RBFOX1: variants seen among roughly 807,000 people sequenced by gnomAD.
RBFOX1 encodes RNA binding protein fox-1 homolog 1.
Under a neutral mutation model 57.7 loss-of-function variants are expected in RBFOX1, and 8 were observed. The observed-to-expected ratio is 0.14, with a 90% CI of 0.08 to 0.25. The LOEUF is 0.25. Ranked by LOEUF, RBFOX1 falls within the 10% of genes least tolerant of loss-of-function variation. The pLI, the probability that RBFOX1 is intolerant of heterozygous loss-of-function variation, is 1.00. For synonymous variants in RBFOX1, 326 were observed against 222.4 expected (o/e 1.47, Z -4.15); for missense variants, 611 against 548.5 (o/e 1.11, Z -1.14).
chr16:7,109,150 G>A (rs142941755), intron 4 of RBFOX1, among the ~76,000 whole-genome samples: 1 of 152,224 alleles, frequency 6.6e-6, no homozygotes, highest in African/African-American at 2.4e-5. Flanking sequence ...TGAATGTACT[G>A]GATTTTCAGT....
chr16:7,319,335 T>C (rs796682232), intron 4 of RBFOX1, among the ~76,000 whole-genome samples: 12 of 152,332 alleles, frequency 7.9e-5, no homozygotes, highest in African/African-American at 2.9e-4. Flanking sequence ...AGTCCAGACC[T>C]ATGATAGGTG....
chr16:6,966,283 C>G (rs1278732216), intron 3 of RBFOX1, among the ~76,000 whole-genome samples: 1 of 152,126 alleles, frequency 6.6e-6, no homozygotes, highest in Non-Finnish European at 1.5e-5. Flanking sequence ...TGACTGGGCA[C>G]TCCTGCAGGC....
chr16:6,468,379 G>T lies in RBFOX1; in HGVS notation c.-64+151322G>T, dbSNP rs528603426. On this transcript the variant is annotated intron_variant, in intron 2 of 15. Coordinates refer to ENST00000550418, the MANE Select transcript of RBFOX1 (RefSeq NM_018723.4). ...ACTGCTGGGCCATACTGCCTGTCAG[G>T]CCCAAATTAATATCTTTTATAAGCC... Among the ~76,000 whole-genome samples the T allele has an allele frequency of 3.3e-5, 5 of 152,258 alleles. No individual in the cohort carries two copies. The East Asian group carries it at 9.7e-4, about 29-fold the overall frequency.
chr16:6,934,712 T>G lies in RBFOX1; in HGVS notation c.-15-117345T>G, dbSNP rs577172145. ...AATATGATCTCGAGATTTTTTTCTTTAAAGGAAAAAGCTGTGAGGCCCTTT... is the reference window on the plus strand; with the variant it reads ...AATATGATCTCGAGATTTTTTTCTTGAAAGGAAAAAGCTGTGAGGCCCTTT... On this transcript the variant is annotated intron_variant, in intron 3 of 15. Coordinates refer to ENST00000550418, the MANE Select transcript of RBFOX1 (RefSeq NM_018723.4). Among the ~76,000 whole-genome samples, 286 of 152,160 alleles carry G rather than the reference T, an allele frequency of 1.9e-3. 1 individual carries two copies. Among genetic ancestry groups the G allele is most frequent in the African/African-American group, 6.5e-3 (268 of 41,484 alleles).
At chr16:5,603,531 C>G (rs777026330), downstream of RBFOX1, among the ~76,000 whole-genome samples, 1 of 152,148 alleles carries the variant, frequency 6.6e-6, no homozygotes, top group Non-Finnish European at 1.5e-5. Context: ...AAGTTAATTC[C>G]AGAGTCATCA....
chr16:5,765,150 C>G (rs113849546), intron 3 of RBFOX1, among the ~76,000 whole-genome samples: 2 of 152,312 alleles, frequency 1.3e-5, no homozygotes, highest in African/African-American at 2.4e-5. Flanking sequence ...AGCTGGGAGA[C>G]TCTTTCCAGC....
At chr16:6,797,266 T>C (rs534335525) in intron 3 of RBFOX1, among the ~76,000 whole-genome samples, 1 of 152,292 alleles carries the variant, frequency 6.6e-6, no homozygotes, top group South Asian at 2.1e-4. Flanking sequence ...CATAACGCTG[T>C]CCTTAGGATC....
At chr16:6,951,015 C>T (rs2080635199) in intron 3 of RBFOX1, among the ~76,000 whole-genome samples, 2 of 152,054 alleles carry the variant, frequency 1.3e-5, no homozygotes, top group African/African-American at 4.8e-5. Context: ...CAGCGATCCT[C>T]CCACCTCTGC....
intron 4 of RBFOX1, among the ~76,000 whole-genome samples, chr16:7,242,214 C>A (rs951716256): frequency 1.3e-5 from 2 of 152,138 alleles, no homozygotes; most frequent in African/African-American, 4.8e-5. Context: ...CTACTGTCTC[C>A]TAGTTTATCC....
At chr16:6,768,458 C>G (rs914804919) in intron 3 of RBFOX1, among the ~76,000 whole-genome samples, 1 of 151,764 alleles carries the variant, frequency 6.6e-6, no homozygotes, top group African/African-American at 2.4e-5. Context: ...AAATTCCCCC[C>G]CAGCCCACAC....
chr16:7,429,724 T>G (rs2098660044), intron 4 of RBFOX1, among the ~76,000 whole-genome samples: 1 of 152,160 alleles, frequency 6.6e-6, no homozygotes, highest in African/African-American at 2.4e-5. Context: ...TTTACAATTT[T>G]TATTGGGAAA....
intron 3 of RBFOX1, among the ~76,000 whole-genome samples, chr16:7,047,413 T>C (rs1380206817): frequency 6.6e-6 from 1 of 152,188 alleles, no homozygotes; most frequent in Admixed American, 6.5e-5. Flanking sequence ...GATTTTGTTT[T>C]AAATCCATAG....
chr16:7,228,598 G>A (rs1026938102), intron 4 of RBFOX1, among the ~76,000 whole-genome samples: 2 of 152,216 alleles, frequency 1.3e-5, no homozygotes, highest in African/African-American at 4.8e-5. Flanking sequence ...CCGTAAGGGA[G>A]TAGAGACCTG....
intron 2 of RBFOX1, among the ~76,000 whole-genome samples, chr16:6,537,287 T>G (rs1391184598): frequency 6.6e-6 from 1 of 152,168 alleles, no homozygotes; most frequent in Non-Finnish European, 1.5e-5. Flanking sequence ...TTTTATAGGG[T>G]GTTAAGCAAC....
At chr16:7,367,867 C>T (rs941058798) in intron 4 of RBFOX1, among the ~76,000 whole-genome samples, 4 of 144,478 alleles carry the variant, frequency 2.8e-5, no homozygotes, top group Non-Finnish European at 4.5e-5. Flanking sequence ...TGCATGAGCA[C>T]GTGCACACAT....
At chr16:7,318,641 G>A (rs184501959) in intron 4 of RBFOX1, among the ~76,000 whole-genome samples, 8 of 152,282 alleles carry the variant, frequency 5.3e-5, no homozygotes, top group East Asian at 1.9e-4. Context: ...CATAGAGAAC[G>A]TTTGTTAAAT....
intron 4 of RBFOX1, among the ~76,000 whole-genome samples, chr16:5,993,581 A>G (rs116553092): frequency 0.015 from 2,353 of 152,210 alleles, 62 homozygotes; most frequent in South Asian, 0.11. Context: ...CCATTATTCT[A>G]TTTGACTTCT....
At chr16:6,531,752 C>A (rs2096660932) in intron 2 of RBFOX1, among the ~76,000 whole-genome samples, 1 of 152,066 alleles carries the variant, frequency 6.6e-6, no homozygotes, top group Admixed American at 6.6e-5. Context: ...AAAGGGATTA[C>A]ATGAGAACAA....
intron 2 of RBFOX1, among the ~76,000 whole-genome samples, chr16:5,534,504 G>A (rs79637926): frequency 2.6e-5 from 4 of 152,170 alleles, no homozygotes; most frequent in Admixed American, 1.3e-4. Context: ...AAATCTAAGA[G>A]TCAAAAGGTC....
Sources: allele counts gnomAD v4.1 joint callset (sites outside exome capture counted in the v4.1 genomes callset), GRCh38; gene constraint gnomAD v4.1.1; transcripts MANE v1.5; gene names NCBI Gene and HGNC (gene_info 2026-07-23, HGNC 2026-07-21).